The following LTBP1 variants were observed in gnomAD, a reference collection of about 807,000 sequenced individuals.
LTBP1 encodes latent transforming growth factor beta binding protein 1.
In LTBP1, 129 loss-of-function variants were observed where a neutral mutation model predicts 207.6. That is an observed-to-expected ratio of 0.62 (90% confidence interval 0.54 to 0.72). LTBP1 has a LOEUF of 0.72. LTBP1 is among the 30% of genes least tolerant of loss of function. LTBP1 has a pLI of 0.00. For synonymous variants in LTBP1, 963 were observed against 833.7 expected, an observed-to-expected ratio of 1.16 and a Z score of -2.67; for missense variants, 2,281 against 2,217.2, an observed-to-expected ratio of 1.03 and a Z score of -0.58.
chr2:33,258,650 A>G (rs1036367829), intron 12 of LTBP1, among the ~76,000 whole-genome samples: 7 of 152,156 alleles, frequency 4.6e-5, no homozygotes, highest in Admixed American at 2.0e-4. Flanking sequence ...GCAGGAGGAA[A>G]TGGGCCGTAG....
chr2:33,002,896 T>A (rs1264127102), intron 2 of LTBP1, among the ~76,000 whole-genome samples: 2 of 152,184 alleles, frequency 1.3e-5, no homozygotes, highest in African/African-American at 4.8e-5. Flanking sequence ...CAGGCTGATC[T>A]TGAACTCCTG....
At chr2:33,281,590 T>C (rs2093560562) in intron 19 of LTBP1, among the ~76,000 whole-genome samples, 5 of 152,134 alleles carry the variant, frequency 3.3e-5, no homozygotes, top group Admixed American at 3.3e-4. Flanking sequence ...ACTCTCAGTT[T>C]TAAAGCTTTA....
intron 3 of LTBP1, among the ~76,000 whole-genome samples, chr2:33,089,465 A>C (rs1392409945): frequency 6.6e-6 from 1 of 152,184 alleles, no homozygotes; most frequent in South Asian, 2.1e-4. Flanking sequence ...GGAGGGTCCT[A>C]CTGGCATCTA....
chr2:32,975,549 A>G (rs1681582964), intron 2 of LTBP1, among the ~76,000 whole-genome samples: 1 of 134,380 alleles, frequency 7.4e-6, no homozygotes, highest in Non-Finnish European at 1.5e-5. Context: ...CCTTCACATA[A>G]TCCCATATTT....
intron 10 of LTBP1, among the ~76,000 whole-genome samples, chr2:33,252,264 C>T (rs1213209184): frequency 6.6e-6 from 1 of 152,200 alleles, no homozygotes; most frequent in Non-Finnish European, 1.5e-5. Context: ...CCTCATTCTC[C>T]AAAGTGCCTG....
At chr2:33,204,385 G>A (rs1030126455) in intron 7 of LTBP1, among the ~76,000 whole-genome samples, 1 of 152,198 alleles carries the variant, frequency 6.6e-6, no homozygotes, top group African/African-American at 2.4e-5. Flanking sequence ...AATATTTAAA[G>A]TATGTCTCTA....
At chr2:32,972,130 T>A (rs1186315046) in intron 2 of LTBP1, among the ~76,000 whole-genome samples, 1 of 145,346 alleles carries the variant, frequency 6.9e-6, no homozygotes, top group African/African-American at 2.5e-5. Flanking sequence ...TTTTTTTTTC[T>A]GTGGATTCAG....
Position 32,947,141 on chromosome 2 carries a change from C to T in LTBP1, c.-184C>T, listed in dbSNP as rs1444374649. 5.3e-6 allele frequency: 2 copies of T among 374,618 alleles called. No homozygotes were observed. The highest frequency in any genetic ancestry group is 1.4e-4 in the South Asian group (1 of 7,142). The allele number at this position is 374,618 out of a possible 1,614,324, so 23.2% of individuals were successfully genotyped here. A position where few individuals can be genotyped will look rare whatever the true frequency, so the allele number is the denominator to read the frequency against. ...CCTCCTGCTCCCAGCCACAATCGGC[C>T]GGGGTCTGGGGCCGCTCAGCTGCCC... On this transcript the variant is annotated 5_prime_UTR_variant, in exon 1 of 34. Coordinates refer to ENST00000404816, the MANE Select transcript of LTBP1 (RefSeq NM_206943.4).
intron 3 of LTBP1, among the ~76,000 whole-genome samples, chr2:33,076,619 C>G (rs2078095715): frequency 6.6e-6 from 1 of 151,988 alleles, no homozygotes; most frequent in Non-Finnish European, 1.5e-5. Context: ...TCACTGCAAC[C>G]TCTGCCTCCC....
chr2:33,300,707 C>A, intron 21 of LTBP1, 134 bp downstream of exon 21: 1 of 901,480 alleles, frequency 1.1e-6, no homozygotes, highest in Non-Finnish European at 1.6e-6. Context: ...AAAGCCAGGA[C>A]TTAAACATAA....
At chr2:33,299,165 C>A (rs1213465229) in intron 20 of LTBP1, among the ~76,000 whole-genome samples, 2 of 151,738 alleles carry the variant, frequency 1.3e-5, no homozygotes, top group Non-Finnish European at 2.9e-5. Context: ...TCGCTTGAAC[C>A]CGGGAGACGG....
intron 22 of LTBP1, among the ~76,000 whole-genome samples, chr2:33,305,348 G>A (rs950463345): frequency 4.0e-5 from 6 of 151,874 alleles, no homozygotes; most frequent in African/African-American, 1.2e-4. Context: ...TGATAAATAA[G>A]TAAAATATAT....
intron 31 of LTBP1, among the ~76,000 whole-genome samples, chr2:33,380,118 C>T (rs775762650): frequency 7.2e-5 from 11 of 152,156 alleles, no homozygotes; most frequent in African/African-American, 1.4e-4. Flanking sequence ...TAGATGTCCA[C>T]GCTTACAGTT....
At chr2:33,184,970 GGTAA>G (rs1310208756) in intron 5 of LTBP1, among the ~76,000 whole-genome samples, 1 of 152,084 alleles carries the variant, frequency 6.6e-6, no homozygotes, top group Non-Finnish European at 1.5e-5. Flanking sequence ...GCAGCAAGAA[GGTAA>G]GTGTCAAGCC....
At chr2:33,301,490 T>C in intron 21 of LTBP1, 32 bp from the exon 22 acceptor site, 1 of 1,543,138 alleles carries the variant, frequency 6.5e-7, no homozygotes, top group Non-Finnish European at 8.7e-7. Flanking sequence ...AAGCACCACT[T>C]CCACAGTTTC....
At chr2:33,393,086 A>G (rs2095328897) in intron 32 of LTBP1, among the ~76,000 whole-genome samples, 1 of 151,910 alleles carries the variant, frequency 6.6e-6, no homozygotes, top group African/African-American at 2.4e-5. Context: ...GGGTACATAT[A>G]AAGGTTTGTT....
intron 2 of LTBP1, among the ~76,000 whole-genome samples, chr2:32,997,177 A>T (rs928590203): frequency 1.4e-4 from 22 of 151,888 alleles, no homozygotes; most frequent in Non-Finnish European, 2.9e-5. Context: ...GAGCTACTGC[A>T]CCCGGCCTGG....
intron 23 of LTBP1, among the ~76,000 whole-genome samples, chr2:33,314,694 T>C (rs1039467786): frequency 2.0e-5 from 3 of 152,212 alleles, no homozygotes; most frequent in Admixed American, 2.0e-4. Flanking sequence ...AAATAAGACA[T>C]GTCTAGCCTT....
chr2:33,328,058 C>A (rs1375596230), intron 24 of LTBP1, among the ~76,000 whole-genome samples: 1 of 151,494 alleles, frequency 6.6e-6, no homozygotes, highest in East Asian at 1.9e-4. Flanking sequence ...TTGCTTGAAA[C>A]CGGAAGGTGA....
Sources: allele counts gnomAD v4.1 joint callset (sites outside exome capture counted in the v4.1 genomes callset), GRCh38; gene constraint gnomAD v4.1.1; transcripts MANE v1.5; gene names NCBI Gene and HGNC (gene_info 2026-07-23, HGNC 2026-07-21).